The following SPATA17 variants were observed in gnomAD, a reference collection of about 807,000 sequenced individuals.
SPATA17 encodes the protein spermatogenesis associated 17, also known as spermatogenesis-associated protein 17.
A neutral mutation model predicts 62.2 loss-of-function variants in SPATA17; 53 were observed. The ratio of observed to expected loss-of-function variants is 0.85; its 90% CI spans 0.68 to 1.07. SPATA17 has a LOEUF of 1.07. SPATA17 is among the 50% of genes least tolerant of loss of function. SPATA17 has a pLI of 0.00. For synonymous variants in SPATA17, 146 were observed against 146.8 expected (o/e 0.99, Z 0.04); for missense variants, 466 against 425.5 (o/e 1.10, Z -0.84).
At chr1:217,680,122 A>T (rs938257292) in intron 4 of SPATA17, among the ~76,000 whole-genome samples, 1 of 152,198 alleles carries the variant, frequency 6.6e-6, no homozygotes. Context: ...ATTGCTGATG[A>T]CGGATTTCCT....
At chr1:217,850,769 A>T in intron 9 of SPATA17, 1 of 602,628 alleles carries the variant, frequency 1.7e-6, no homozygotes, top group South Asian at 2.7e-5. Context: ...TTTTATTTTT[A>T]TGTATATTTG....
intron 5 of SPATA17, among the ~76,000 whole-genome samples, chr1:217,723,326 A>G (rs979917782): frequency 6.6e-6 from 1 of 152,166 alleles, no homozygotes; most frequent in African/African-American, 2.4e-5. Flanking sequence ...TTGTGAAGCC[A>G]TATGAAGTTT....
chr1:217,811,623 G>A (rs928640803), intron 9 of SPATA17, among the ~76,000 whole-genome samples: 2 of 151,628 alleles, frequency 1.3e-5, no homozygotes, highest in African/African-American at 4.8e-5. Flanking sequence ...AACTTGGGCG[G>A]CGGAGGTTGG....
At chr1:217,649,112 T>G (rs891201058) in intron 2 of SPATA17, 141 bp downstream of exon 2, 1 of 570,062 alleles carries the variant, frequency 1.8e-6, no homozygotes, top group Non-Finnish European at 2.9e-6. Context: ...TGTATTTCTT[T>G]TAAAAGAAAT....
intron 6 of SPATA17, among the ~76,000 whole-genome samples, chr1:217,766,349 T>TTTTTTTTAACTTAAA (rs1464028259): frequency 6.6e-6 from 1 of 151,458 alleles, no homozygotes; most frequent in Non-Finnish European, 1.5e-5. Context: ...CTGCATTTCT[T>TTTTTTTTAACTTAAA]TTTTTTTAAC....
At chr1:217,776,996 T>C (rs1673610298) in intron 7 of SPATA17, among the ~76,000 whole-genome samples, 3 of 152,172 alleles carry the variant, frequency 2.0e-5, no homozygotes, top group African/African-American at 7.2e-5. Flanking sequence ...AGTAAGTCTA[T>C]TTTATATTCA....
chr1:217,814,282 A>G (rs1674663244), intron 9 of SPATA17, among the ~76,000 whole-genome samples: 1 of 152,194 alleles, frequency 6.6e-6, no homozygotes, highest in Non-Finnish European at 1.5e-5. Flanking sequence ...TTGTAACTGC[A>G]ATAAAGCTTG....
chr1:217,672,182 G>A (rs1387373074), intron 4 of SPATA17, among the ~76,000 whole-genome samples: 1 of 152,180 alleles, frequency 6.6e-6, no homozygotes, highest in Non-Finnish European at 1.5e-5. Context: ...GTGTATATCT[G>A]AAGATTACAA....
At chr1:217,823,548 A>G (rs975060243) in intron 9 of SPATA17, among the ~76,000 whole-genome samples, 2 of 151,846 alleles carry the variant, frequency 1.3e-5, no homozygotes, top group Non-Finnish European at 2.9e-5. Flanking sequence ...GCTAACCACT[A>G]CCCTCACTGG....
intron 6 of SPATA17, among the ~76,000 whole-genome samples, chr1:217,756,878 A>C (rs1297686512): frequency 6.6e-6 from 1 of 152,236 alleles, no homozygotes; most frequent in Non-Finnish European, 1.5e-5. Flanking sequence ...CCTGTTCAAC[A>C]TCCTGTTACA....
At chr1:217,650,993 G>A in intron 2 of SPATA17, 104 bp from the exon 3 acceptor site, 2 of 809,726 alleles carry the variant, frequency 2.5e-6, no homozygotes, top group Non-Finnish European at 4.0e-6. Context: ...CATAAACTTG[G>A]CTTTGAATTT....
intron 9 of SPATA17, among the ~76,000 whole-genome samples, chr1:217,825,326 C>T (rs937316290): frequency 2.6e-5 from 4 of 151,548 alleles, no homozygotes; most frequent in Admixed American, 1.3e-4. Flanking sequence ...CTAAAATATA[C>T]AGAACAAGTA....
intron 9 of SPATA17, among the ~76,000 whole-genome samples, chr1:217,823,091 A>AT (rs988223537): frequency 6.6e-6 from 1 of 151,828 alleles, no homozygotes; most frequent in Non-Finnish European, 1.5e-5. Context: ...ATATGTGGGA[A>AT]TTTTTTGAAA....
At chr1:217,631,469 G>T (rs1478104228) in intron 1 of SPATA17, 23 bp downstream of exon 1, 2 of 1,613,222 alleles carry the variant, frequency 1.2e-6, no homozygotes, top group Admixed American at 3.3e-5. Context: ...GAGAAGGATC[G>T]CGTAAAGGGC....
chr1:217,749,981 C>CTATATATATATATA (rs1248987599), intron 6 of SPATA17, among the ~76,000 whole-genome samples: 37 of 27,008 alleles, frequency 1.4e-3, no homozygotes, highest in African/African-American at 2.9e-3. Context: ...CTCTCTCTCT[C>CTATATATATATATA]TCTCTATATA....
chr1:217,666,839 C>T (rs1207057089), intron 3 of SPATA17, among the ~76,000 whole-genome samples: 1 of 152,056 alleles, frequency 6.6e-6, no homozygotes, highest in Non-Finnish European at 1.5e-5. Context: ...TCTTTCAGTA[C>T]TTTCTAAAGC....
intron 5 of SPATA17, among the ~76,000 whole-genome samples, chr1:217,686,804 C>T (rs1225823587): frequency 1.3e-5 from 2 of 152,188 alleles, no homozygotes; most frequent in Non-Finnish European, 2.9e-5. Context: ...ACTGCAACCT[C>T]TGCCTCCTGG....
At chr1:217,830,745 T>C (rs1040896987) in intron 9 of SPATA17, among the ~76,000 whole-genome samples, 3 of 152,142 alleles carry the variant, frequency 2.0e-5, no homozygotes, top group African/African-American at 4.8e-5. Flanking sequence ...AAATGCCAGA[T>C]TGATAACGGT....
At chr1:217,659,198 A>T (rs1424785492) in intron 3 of SPATA17, among the ~76,000 whole-genome samples, 1 of 151,694 alleles carries the variant, frequency 6.6e-6, no homozygotes, top group Non-Finnish European at 1.5e-5. Context: ...ACACACACAC[A>T]CACACACACA....
Sources: allele counts gnomAD v4.1 joint callset (sites outside exome capture counted in the v4.1 genomes callset), GRCh38; gene constraint gnomAD v4.1.1; transcripts MANE v1.5; gene names NCBI Gene and HGNC (gene_info 2026-07-23, HGNC 2026-07-21).